The following KCNIP2 variants were observed in gnomAD, a reference collection of about 807,000 sequenced individuals.
KCNIP2 encodes A-type potassium channel modulatory protein KCNIP2.
KCNIP2 carries 19 observed loss-of-function variants against 39.0 expected under a neutral mutation model. The observed-to-expected ratio is 0.49, with a 90% CI of 0.34 to 0.71. KCNIP2 has a LOEUF of 0.71. KCNIP2 is among the 30% of genes least tolerant of loss of function. The probability of loss-of-function intolerance (pLI) is 0.01; values close to 1 mark genes in which losing one functional copy is unlikely to be tolerated. For missense variants in KCNIP2, 261 were observed against 346.0 expected, an observed-to-expected ratio of 0.75 and a Z score of 1.95; for synonymous variants, 111 against 131.2, an observed-to-expected ratio of 0.85 and a Z score of 1.05.
In KCNIP2 at chr10:101,828,911, G is replaced by T; in HGVS notation, c.348+164C>A. 6.6e-7 allele frequency: 1 copy of T among 1,516,052 alleles called. No individual in the cohort carries two copies. The highest frequency in any genetic ancestry group is 8.9e-7 in the Non-Finnish European group (1 of 1,127,616). The allele number at this position is 1,516,052 out of a possible 1,614,324, so 93.9% of individuals were successfully genotyped here. On this transcript the variant is annotated intron_variant, in intron 4 of 9. Transcript: ENST00000356640. This position sits in a 1 kb window ranked among gnomAD's most constrained non-coding sequence, Gnocchi z 6.6. ...CTGACAGTCTACAGGCGCCACTTCC[G>T]TTCTGGCCCCGCCCCAGAACCTCCA...
chr10:101,828,328 T>C lies in KCNIP2; in HGVS notation c.489+61A>G. 1.2e-6 allele frequency: 2 copies of C among 1,609,956 alleles called. No homozygotes were observed. Among genetic ancestry groups the C allele is most frequent in the Non-Finnish European group, 1.7e-6 (2 of 1,176,246 alleles). ...CCCAACTCCTTCTCTGGGTTTGGCC[T>C]GGAGATCCTGGCCCTGAACTCCAGG... On this transcript the variant is annotated intron_variant, in intron 6 of 9. Transcript: ENST00000356640. The surrounding 1 kb of genome is among the most constrained non-coding windows in gnomAD (Gnocchi z 6.6).
intron 1 of KCNIP2, among the ~76,000 whole-genome samples, chr10:101,842,240 C>T (rs1296182192): frequency 6.6e-6 from 1 of 152,224 alleles, no homozygotes; most frequent in Non-Finnish European, 1.5e-5. Context: ...GAGACACAAA[C>T]ACATACATGG....
chr10:101,827,653 C>A, intron 9 of KCNIP2, 36 bp downstream of exon 9: 5 of 1,611,770 alleles, frequency 3.1e-6, no homozygotes, highest in Non-Finnish European at 4.2e-6. Context: ...AGGCCTGAGT[C>A]CAGGTCAGGG....
chr10:101,840,553 C>CT, intron 1 of KCNIP2, among the ~76,000 whole-genome samples: 1 of 140,586 alleles, frequency 7.1e-6, no homozygotes, highest in African/African-American at 2.6e-5. Flanking sequence ...CCCCCGCACC[C>CT]CCCCCCCACT....
At position 101,843,658 on chromosome 10, in the gene KCNIP2, A is replaced by C; in HGVS notation, c.-90T>G. 7.4e-6 allele frequency: 5 copies of C among 678,680 alleles called. No homozygotes were observed. The highest frequency in any genetic ancestry group is 1.1e-5 in the Non-Finnish European group (5 of 435,694). The allele number at this position is 678,680 out of a possible 1,614,324, so 42.0% of individuals were successfully genotyped here. The stretch of plus-strand genomic sequence containing the variant: ...CTCACACGGCGCCCCCTGGCGGCCT[A>C]CTGTGCTGTCGGGGCTGGGGAAGTC... On this transcript the variant is annotated 5_prime_UTR_variant, in exon 1 of 10. Transcript: ENST00000356640. The surrounding 1 kb of genome is among the most constrained non-coding windows in gnomAD (Gnocchi z 6.7).
rs116884732 is a variant in KCNIP2 at position 101,838,890 on chromosome 10, G to A, written c.73+4606C>T. Reference sequence around the variant, plus strand: ...AGGTCAGGTACAGAGGAGACGTTGCGTTCTATGGGCCCTGCCCAAGCAGTC... The same window carrying A: ...AGGTCAGGTACAGAGGAGACGTTGCATTCTATGGGCCCTGCCCAAGCAGTC... On this transcript the variant is annotated intron_variant, in intron 1 of 9. Transcript: ENST00000356640. The surrounding 1 kb of genome is among the most constrained non-coding windows in gnomAD (Gnocchi z 4.0). Among the ~76,000 whole-genome samples the A allele has an allele frequency of 2.3e-3, 355 of 152,314 alleles. 1 individual carries two copies. Among genetic ancestry groups the A allele is most frequent in the Non-Finnish European group, 4.3e-3 (291 of 68,030 alleles).
At chr10:101,839,824 C>CGG in intron 1 of KCNIP2, 2 of 1,609,292 alleles carry the variant, frequency 1.2e-6, no homozygotes, top group Non-Finnish European at 1.7e-6. Context: ...CCGGCACCTG[C>CGG]GGGGGCATCG....
At chr10:101,834,939 G>A (rs539132853) in intron 1 of KCNIP2, among the ~76,000 whole-genome samples, 8 of 152,332 alleles carry the variant, frequency 5.3e-5, no homozygotes, top group Admixed American at 1.3e-4. Flanking sequence ...ACACGTGACT[G>A]TGCACCTGTC....
Position 101,827,678 on chromosome 10 carries a change from G to C in KCNIP2, c.765+11C>G. On this transcript the variant is annotated intron_variant, in intron 9 of 9. Coordinates refer to ENST00000356640, the MANE Select transcript of KCNIP2 (RefSeq NM_173191.3). The stretch of plus-strand genomic sequence containing the variant: ...CCAGGTCAGGGTAATGTAGAGGGCA[G>C]GGAGCTGTACCTTTTGACAAGACTC... 6.2e-7 allele frequency: 1 copy of C among 1,614,010 alleles called. No individual in the cohort carries two copies. Among genetic ancestry groups the C allele is most frequent in the Non-Finnish European group, 8.5e-7 (1 of 1,179,842 alleles).
At position 101,827,151 on chromosome 10, in the gene KCNIP2, C is replaced by T; in HGVS notation, c.*202G>A. The T allele has an allele frequency of 8.1e-7, 1 of 1,237,626 alleles. No homozygotes were observed. Among genetic ancestry groups the T allele is most frequent in the Non-Finnish European group, 1.0e-6 (1 of 974,890 alleles). 76.7% of individuals were successfully genotyped at this position (1,237,626 alleles called of 1,614,324 possible). A position where few individuals can be genotyped will look rare whatever the true frequency, so the allele number is the denominator to read the frequency against. On this transcript the variant is annotated 3_prime_UTR_variant, in exon 10 of 10. Coordinates refer to ENST00000356640, the MANE Select transcript of KCNIP2 (RefSeq NM_173191.3). ...GGTGAGAGCTGGTGGGAGTTGGGAA[C>T]ACCCCCCGAGATGCACTCTGCCCAC...
At position 101,827,338 on chromosome 10, in the gene KCNIP2, C is replaced by A; in HGVS notation, c.*15G>T. On this transcript the variant is annotated 3_prime_UTR_variant, in exon 10 of 10. Transcript: ENST00000356640. ...CATGGTCCCCCCAGGAAACACTGAC[C>A]CCCTCTCCTGGGGGCTAGATGACAT... The A allele has an allele frequency of 6.3e-7, 1 of 1,595,332 alleles. No homozygotes were observed. The highest frequency in any genetic ancestry group is 1.3e-5 in the African/African-American group (1 of 74,564).
Position 101,828,603 on chromosome 10 carries a change from T to TC in KCNIP2, c.418+23dup. On this transcript the variant is annotated intron_variant, in intron 5 of 9. Transcript: ENST00000356640. The surrounding 1 kb of genome is among the most constrained non-coding windows in gnomAD (Gnocchi z 6.6). ...CTCAGCCTAGAGAAGGACAACTGCT[T>TC]CCCCTTGGGCCTTGTCCCCTCACCT... 1.2e-6 allele frequency: 2 copies of TC among 1,609,946 alleles called. No individual in the cohort carries two copies. The highest frequency in any genetic ancestry group is 8.5e-7 in the Non-Finnish European group (1 of 1,176,392).
intron 2 of KCNIP2, chr10:101,830,451 G>A (rs2065931961): frequency 2.3e-6 from 3 of 1,287,922 alleles, no homozygotes; most frequent in Non-Finnish European, 3.1e-6. Flanking sequence ...AGACCCTCAC[G>A]GCCGCCTGGT....
rs1192476302 is a variant in KCNIP2 at position 101,826,697 on chromosome 10, AG to A, written c.*655del. 6.6e-6 allele frequency: 1 copy of A among 152,244 alleles called. No homozygotes were observed. The highest frequency in any genetic ancestry group is 1.5e-5 in the Non-Finnish European group (1 of 68,054). 9.4% of individuals were successfully genotyped at this position (152,244 alleles called of 1,614,324 possible). Reference sequence around the variant, plus strand: ...GTGGAAAATTTCTGGGGCATTTCTAAGGAGACAAGGTCTTCTGCAAAGCCTG... The same window carrying A: ...GTGGAAAATTTCTGGGGCATTTCTAAGAGACAAGGTCTTCTGCAAAGCCTG... On this transcript the variant is annotated 3_prime_UTR_variant, in exon 10 of 10. Coordinates refer to ENST00000356640, the MANE Select transcript of KCNIP2 (RefSeq NM_173191.3).
At chr10:101,834,803 G>A (rs1234461078) in intron 1 of KCNIP2, among the ~76,000 whole-genome samples, 2 of 152,222 alleles carry the variant, frequency 1.3e-5, no homozygotes, top group Admixed American at 1.3e-4. Flanking sequence ...ATCTGCACAT[G>A]TATAAGTAAT....
At chr10:101,832,758 G>GC (rs1415744723) in intron 1 of KCNIP2, among the ~76,000 whole-genome samples, 51 of 151,926 alleles carry the variant, frequency 3.4e-4, no homozygotes, top group African/African-American at 1.2e-3. Flanking sequence ...TGGCTCTCCT[G>GC]CCCCCCACCC....
rs775110308 is a variant in KCNIP2, at chr10:101,827,970, G to A, written c.621C>T (p.Ser207=). 6.2e-7 allele frequency: 1 copy of A among 1,613,428 alleles called. No individual in the cohort carries two copies. The highest frequency in any genetic ancestry group is 8.5e-7 in the Non-Finnish European group (1 of 1,179,410). Residue 207 remains serine (S), a synonymous_variant, in exon 8 of 10, where the codon TCC becomes TCT. Coordinates refer to ENST00000356640, the MANE Select transcript of KCNIP2 (RefSeq NM_173191.3). The part of the protein sequence containing the change: ...TKEEMLDIMK[S]IYDMMGKYTY... ...TGTACTTGCCCATCATGTCATAGAT[G>A]GACTTCATGATGTCAAGCATTTCCT...
At chr10:101,840,279 G>A (rs1199016544) in intron 1 of KCNIP2, among the ~76,000 whole-genome samples, 1 of 141,250 alleles carries the variant, frequency 7.1e-6, no homozygotes, top group East Asian at 2.1e-4. Context: ...TTGGCATAAA[G>A]AGCCGAAGGG....
chr10:101,827,558 C>T, intron 9 of KCNIP2, 131 bp downstream of exon 9: 1 of 1,320,132 alleles, frequency 7.6e-7, no homozygotes, highest in Non-Finnish European at 1.1e-6. Flanking sequence ...GGTAAGCCTC[C>T]CACAAAGGAA....
Sources: gnomAD v4.1 joint callset for allele counts (sites outside exome capture counted in the v4.1 genomes callset) on GRCh38, gnomAD v4.1.1 for gene constraint, Gnocchi (gnomAD v3.1) non-coding constraint, MANE v1.5 for transcripts, NCBI Gene and HGNC (gene_info 2026-07-23, HGNC 2026-07-21) for gene names.